The following GUCY2F variants were observed in gnomAD, a reference collection of about 807,000 sequenced individuals.
GUCY2F encodes retinal guanylyl cyclase 2.
Under a neutral mutation model 73.1 loss-of-function variants are expected in GUCY2F, and 61 were observed. The ratio of observed to expected loss-of-function variants is 0.83; its 90% CI spans 0.68 to 1.03. The LOEUF is 1.03. GUCY2F is among the 50% of genes least tolerant of loss of function. GUCY2F has a pLI of 0.00. For missense variants in GUCY2F, 912 were observed against 854.3 expected, an observed-to-expected ratio of 1.07 and a Z score of -0.84; for synonymous variants, 331 against 307.8, an observed-to-expected ratio of 1.08 and a Z score of -0.79.
chrX:109,384,873 A>AT (rs1001643104), intron 16 of GUCY2F, among the ~76,000 whole-genome samples: 2 of 110,807 alleles, frequency 1.8e-5, no homozygotes, highest in African/African-American at 3.3e-5. Flanking sequence ...AGCCCGGCCA[A>AT]TTTTTTTCTT....
At chrX:109,423,756 A>G (rs1033214482) in intron 8 of GUCY2F, among the ~76,000 whole-genome samples, 3 of 109,002 alleles carry the variant, frequency 2.8e-5, no homozygotes, top group African/African-American at 1.0e-4. Flanking sequence ...AGCAGTGCTT[A>G]GAGGAGATTT....
intron 3 of GUCY2F, among the ~76,000 whole-genome samples, chrX:109,463,588 C>T (rs937595793): frequency 1.8e-5 from 2 of 110,052 alleles, no homozygotes; most frequent in African/African-American, 6.6e-5. Context: ...CAGGCGCCCG[C>T]CACCACGCCC....
At chrX:109,447,884 T>A (rs555205037) in intron 6 of GUCY2F, among the ~76,000 whole-genome samples, 185 bp downstream of exon 6, 2 of 108,433 alleles carry the variant, frequency 1.8e-5, no homozygotes, top group Admixed American at 9.6e-5. Flanking sequence ...TTAATTTTTT[T>A]AATTTTTTTT....
chrX:109,445,086 A>G (rs779973976), intron 6 of GUCY2F, among the ~76,000 whole-genome samples: 4 of 111,612 alleles, frequency 3.6e-5, no homozygotes, highest in Middle Eastern at 4.6e-3. Context: ...GTGTGGTATG[A>G]TTTGTCTCTC....
At position 109,409,172 on chromosome X, in the gene GUCY2F, GA is replaced by G; in HGVS notation, c.1792-5del. 1 of 1,041,270 alleles carries G rather than the reference GA, an allele frequency of 9.6e-7. No individual in the cohort carries two copies. The highest frequency in any genetic ancestry group is 1.3e-6 in the Non-Finnish European group (1 of 743,238). 85.8% of individuals were successfully genotyped at this position (1,041,270 alleles called of 1,213,427 possible). The stretch of plus-strand genomic sequence containing the variant: ...TCTCATGACGCAAGTCCTTCATCTG[GA>G]AATGAGAGACAGAAATGAGAGTCAC... On this transcript the variant is annotated splice_polypyrimidine_tract_variant and splice_region_variant and intron_variant, in intron 8 of 19. Transcript: ENST00000218006.
rs1932293213 is a variant in GUCY2F, at chrX:109,458,003, A to C, written c.1033-4144T>G. Among the ~76,000 whole-genome samples the C allele has an allele frequency of 2.7e-5, 3 of 111,922 alleles. No individual in the cohort carries two copies. The South Asian group carries it at 1.1e-3, about 42-fold the overall frequency. On this transcript the variant is annotated intron_variant, in intron 3 of 19. Coordinates refer to ENST00000218006, the MANE Select transcript of GUCY2F (RefSeq NM_001522.3). ...CCAAAATATAAAGGTACAAAGTTAT[A>C]ATCCTTGCCCAATCATCCTGAGACT...
chrX:109,375,914 C>T lies in GUCY2F; in HGVS notation c.3312G>A (p.Val1104=), dbSNP rs765175050. ...GGCCATTACCTTATGGCTTGTTTCT[C>T]ACCAACTGCCTTTCTGCTTTTCTTC... ...FQRRKAERQL[V]RNKP Residue 1104 remains valine (V), a synonymous_variant, in exon 19 of 20, where the codon GTG becomes GTA. Transcript: ENST00000218006. 1 of 1,207,469 alleles carries T rather than the reference C, an allele frequency of 8.3e-7. No homozygotes were observed. Among genetic ancestry groups the T allele is most frequent in the Non-Finnish European group, 1.1e-6 (1 of 891,635 alleles).
intron 8 of GUCY2F, among the ~76,000 whole-genome samples, chrX:109,411,005 G>A (rs921519772): frequency 3.6e-5 from 4 of 110,882 alleles, no homozygotes; most frequent in African/African-American, 6.6e-5. Flanking sequence ...AATTTATATT[G>A]TGGGCACTCA....
chrX:109,393,813 T>C (rs770378236), intron 12 of GUCY2F, among the ~76,000 whole-genome samples: 1 of 112,420 alleles, frequency 8.9e-6, no homozygotes, highest in Non-Finnish European at 1.9e-5. Flanking sequence ...TCTGTACTGC[T>C]ATAGTCAACA....
intron 8 of GUCY2F, among the ~76,000 whole-genome samples, chrX:109,425,922 C>T (rs995819269): frequency 9.0e-6 from 1 of 111,173 alleles, no homozygotes; most frequent in Non-Finnish European, 1.9e-5. Context: ...AAGAGAAGGA[C>T]ATTGGAGCTT....
At chrX:109,446,281 G>C (rs1174306715) in intron 6 of GUCY2F, among the ~76,000 whole-genome samples, 2 of 111,776 alleles carry the variant, frequency 1.8e-5, no homozygotes, top group Non-Finnish European at 3.8e-5. Flanking sequence ...CTACTTTAAA[G>C]TTCATATGGA....
At chrX:109,413,944 C>A (rs1931175558) in intron 8 of GUCY2F, among the ~76,000 whole-genome samples, 1 of 109,601 alleles carries the variant, frequency 9.1e-6, no homozygotes, top group South Asian at 3.9e-4. Flanking sequence ...AGAAAATTTT[C>A]TTTCTTCTTT....
chrX:109,431,316 G>A (rs1015200624), intron 7 of GUCY2F, among the ~76,000 whole-genome samples: 1 of 111,800 alleles, frequency 8.9e-6, no homozygotes, highest in Admixed American at 9.5e-5. Flanking sequence ...ATTACCTACA[G>A]CCTGGAGATT....
At chrX:109,375,685 G>A (rs1930160307) in intron 19 of GUCY2F, among the ~76,000 whole-genome samples, 1 of 112,225 alleles carries the variant, frequency 8.9e-6, no homozygotes, top group African/African-American at 3.2e-5. Flanking sequence ...TCTCTCTCGG[G>A]CCAGGGCAGA....
chrX:109,475,322 G>C lies in GUCY2F; in HGVS notation c.615C>G (p.Val205=), dbSNP rs201431183. ...EDIWVHTANR[V]ASALRSHGLP... is the part of the protein sequence containing the mutation. ...AGCCGTGGCTCCGAAGAGCACTTGC[G>C]ACTCGATTGGCTGTATGCACCCAAA... is the stretch of plus-strand genomic sequence containing the variant. Residue 205 remains valine (V), a synonymous_variant, in exon 2 of 20, where the codon GTC becomes GTG. Transcript: ENST00000218006. The C allele has an allele frequency of 2.0e-5, 24 of 1,209,050 alleles. No homozygotes were observed. Among genetic ancestry groups the C allele is most frequent in the Admixed American group, 4.4e-5 (2 of 45,782 alleles).
chrX:109,459,901 G>A (rs747529319), intron 3 of GUCY2F, among the ~76,000 whole-genome samples: 94 of 110,885 alleles, frequency 8.5e-4, no homozygotes, highest in Admixed American at 2.4e-3. Flanking sequence ...AGGAAAAAAC[G>A]GATAAAATAG....
chrX:109,453,997 G>A (rs913639894), intron 3 of GUCY2F, 138 bp from the exon 4 acceptor site: 2 of 365,130 alleles, frequency 5.5e-6, no homozygotes, highest in African/African-American at 5.3e-5. Flanking sequence ...GAAAAAAATT[G>A]TTTCTAAGGA....
At chrX:109,390,078 A>T (rs1431897025) in intron 14 of GUCY2F, among the ~76,000 whole-genome samples, 1 of 111,600 alleles carries the variant, frequency 9.0e-6, no homozygotes, top group East Asian at 2.8e-4. Flanking sequence ...GCTGGCCATT[A>T]TCAGAGATTA....
At chrX:109,446,704 C>T (rs1932018664) in intron 6 of GUCY2F, among the ~76,000 whole-genome samples, 1 of 111,973 alleles carries the variant, frequency 8.9e-6, no homozygotes, top group Non-Finnish European at 1.9e-5. Flanking sequence ...CCATTCAGGA[C>T]ATAGGCATGG....
Sources: gnomAD v4.1 joint callset for allele counts (sites outside exome capture counted in the v4.1 genomes callset) on GRCh38, gnomAD v4.1.1 for gene constraint, MANE v1.5 for transcripts, NCBI Gene and HGNC (gene_info 2026-07-23, HGNC 2026-07-21) for gene names.